The following TLE4 variants were observed in gnomAD, a reference collection of about 807,000 sequenced individuals.
TLE4 encodes transducin-like enhancer protein 4.
A neutral mutation model predicts 92.8 loss-of-function variants in TLE4; 8 were observed. That is an observed-to-expected ratio of 0.09 (90% CI 0.05 to 0.16). The LOEUF (loss-of-function observed/expected upper bound fraction) is 0.16. Ranked by LOEUF, TLE4 falls within the 10% of genes least tolerant of loss-of-function variation. The probability of loss-of-function intolerance (pLI) is 1.00; values close to 1 mark genes in which losing one functional copy is unlikely to be tolerated. For missense variants in TLE4, 675 were observed against 997.6 expected, an observed-to-expected ratio of 0.68 and a Z score of 4.36; for synonymous variants, 371 against 374.1, an observed-to-expected ratio of 0.99 and a Z score of 0.10.
intron 8 of TLE4, among the ~76,000 whole-genome samples, chr9:79,696,040 G>A (rs911581210): frequency 5.3e-5 from 8 of 152,134 alleles, no homozygotes; most frequent in African/African-American, 1.7e-4. Flanking sequence ...TGTCTGACAT[G>A]GTAACCACAA....
intron 4 of TLE4, among the ~76,000 whole-genome samples, chr9:79,611,936 TAAAA>T (rs34106000): frequency 8.9e-5 from 7 of 78,418 alleles, no homozygotes; most frequent in Non-Finnish European, 1.4e-4. Context: ...ATATCCACAG[TAAAA>T]AAAAAAAAAA....
intron 6 of TLE4, among the ~76,000 whole-genome samples, chr9:79,644,546 A>T (rs17082597): frequency 0.011 from 1,695 of 152,332 alleles, 38 homozygotes; most frequent in African/African-American, 0.038. Flanking sequence ...GGTAATAAGG[A>T]TTCCAGTGAC....
chr9:79,708,057 G>A (rs2072181497), intron 11 of TLE4, 61 bp from the exon 12 acceptor site: 29 of 1,557,438 alleles, frequency 1.9e-5, no homozygotes, highest in Non-Finnish European at 2.5e-5. Context: ...CCTTTTTACT[G>A]TTTAACGTCA....
At chr9:79,649,742 T>G (rs2058644335) in intron 6 of TLE4, 2 of 1,231,840 alleles carry the variant, frequency 1.6e-6, no homozygotes, top group Non-Finnish European at 2.2e-6. Context: ...GTGAATGTCA[T>G]GTATAACTAT....
chr9:79,712,342 A>G (rs1172008286), intron 14 of TLE4, among the ~76,000 whole-genome samples: 1 of 152,200 alleles, frequency 6.6e-6, no homozygotes, highest in Non-Finnish European at 1.5e-5. Flanking sequence ...ATACAGAGAT[A>G]ATATACTTTT....
intron 8 of TLE4, among the ~76,000 whole-genome samples, chr9:79,662,908 C>A (rs974110765): frequency 1.3e-5 from 2 of 152,108 alleles, no homozygotes; most frequent in African/African-American, 4.8e-5. Context: ...CTTTATTTTT[C>A]TCCTCTTCAT....
chr9:79,638,825 G>T (rs1413717464), intron 6 of TLE4, among the ~76,000 whole-genome samples: 2 of 152,084 alleles, frequency 1.3e-5, no homozygotes, highest in Non-Finnish European at 2.9e-5. Flanking sequence ...TTGTTCTTGG[G>T]TTTCTTTCAG....
At chr9:79,607,366 C>T (rs934206351) in intron 4 of TLE4, among the ~76,000 whole-genome samples, 1 of 152,106 alleles carries the variant, frequency 6.6e-6, no homozygotes, top group Non-Finnish European at 1.5e-5. Context: ...TGTAGAAGCT[C>T]TTTAGTTTAA....
chr9:79,713,160 G>C (rs527370121), intron 14 of TLE4, among the ~76,000 whole-genome samples: 1 of 152,322 alleles, frequency 6.6e-6, no homozygotes, highest in South Asian at 2.1e-4. Flanking sequence ...ATGTGGAGAA[G>C]GTACTGTGCG....
chr9:79,615,709 T>C (rs1250359219), intron 5 of TLE4, among the ~76,000 whole-genome samples: 3 of 152,224 alleles, frequency 2.0e-5, no homozygotes, highest in African/African-American at 7.2e-5. Context: ...TTTTTCTTTT[T>C]AGAAATGAGT....
intron 9 of TLE4, among the ~76,000 whole-genome samples, chr9:79,705,585 A>C (rs1439547066): frequency 1.3e-5 from 2 of 152,242 alleles, no homozygotes; most frequent in East Asian, 3.8e-4. Context: ...TGGGCCTGTC[A>C]GTTTGCAGCC....
intron 8 of TLE4, among the ~76,000 whole-genome samples, chr9:79,665,732 A>C (rs1158887936): frequency 1.3e-5 from 2 of 151,662 alleles, no homozygotes; most frequent in African/African-American, 4.8e-5. Flanking sequence ...AATATTTATC[A>C]TCTGATTTTT....
chr9:79,647,061 T>C (rs572566187), intron 6 of TLE4, among the ~76,000 whole-genome samples: 6 of 152,310 alleles, frequency 3.9e-5, no homozygotes, highest in African/African-American at 1.4e-4. Flanking sequence ...AAAGCTTCTC[T>C]AAATGCAACG....
intron 16 of TLE4, 55 bp from the exon 17 acceptor site, chr9:79,721,686 A>AT (rs2075670224): frequency 8.7e-6 from 14 of 1,609,856 alleles, no homozygotes; most frequent in Non-Finnish European, 1.2e-5. Context: ...TTCTAAATTG[A>AT]TTTTAACTAA....
At chr9:79,700,196 G>A (rs539659336) in intron 8 of TLE4, among the ~76,000 whole-genome samples, 1 of 152,308 alleles carries the variant, frequency 6.6e-6, no homozygotes, top group Non-Finnish European at 1.5e-5. Context: ...CCAGACTAAA[G>A]AGAGGCTGAG....
chr9:79,600,702 G>T (rs2045411024), intron 4 of TLE4, among the ~76,000 whole-genome samples: 2 of 152,136 alleles, frequency 1.3e-5, no homozygotes, highest in African/African-American at 4.8e-5. Context: ...TGAATAGCCT[G>T]TTCTCTCTAG....
At chr9:79,602,890 A>G (rs1326054599) in intron 4 of TLE4, among the ~76,000 whole-genome samples, 1 of 152,126 alleles carries the variant, frequency 6.6e-6, no homozygotes, top group Admixed American at 6.6e-5. Context: ...GCCGTTAAGA[A>G]CATTTGTGGT....
chr9:79,716,102 CT>C (rs2074443364), intron 14 of TLE4, among the ~76,000 whole-genome samples: 2 of 152,276 alleles, frequency 1.3e-5, no homozygotes, highest in South Asian at 4.1e-4. Context: ...AATCATGTCA[CT>C]TTTTTTGCAC....
intron 4 of TLE4, among the ~76,000 whole-genome samples, chr9:79,606,570 C>A (rs1286752034): frequency 6.6e-6 from 1 of 151,860 alleles, no homozygotes; most frequent in East Asian, 1.9e-4. Flanking sequence ...TGTTCCCTGC[C>A]CTGTGTCCAT....
Sources: allele counts gnomAD v4.1 joint callset (sites outside exome capture counted in the v4.1 genomes callset), GRCh38; gene constraint gnomAD v4.1.1; transcripts MANE v1.5; gene names NCBI Gene and HGNC (gene_info 2026-07-23, HGNC 2026-07-21).